CBFA2T3: variants seen among roughly 807,000 people sequenced by gnomAD.
CBFA2T3 encodes transcriptional corepressor CBFA2T3.
CBFA2T3 carries 31 observed loss-of-function variants against 58.6 expected under a neutral mutation model. That is an observed-to-expected ratio of 0.53 (90% CI 0.40 to 0.71). The LOEUF (loss-of-function observed/expected upper bound fraction) is 0.71, where lower values mean the gene tolerates loss of function less well. Among genes scored for constraint, CBFA2T3 ranks in the 30% least tolerant of loss-of-function variants. The pLI, the probability that CBFA2T3 is intolerant of heterozygous loss-of-function variation, is 0.00. For synonymous variants in CBFA2T3, 531 were observed against 421.9 expected (o/e 1.26, Z -3.17); for missense variants, 1,076 against 963.1 (o/e 1.12, Z -1.55).
At chr16:88,901,037 T>C (rs1013516240) in intron 2 of CBFA2T3, among the ~76,000 whole-genome samples, 2 of 152,248 alleles carry the variant, frequency 1.3e-5, no homozygotes, top group African/African-American at 4.8e-5. Context: ...GCTGCCTCTG[T>C]GGTCCCTCCA....
intron 1 of CBFA2T3, among the ~76,000 whole-genome samples, chr16:88,930,791 AG>A (rs1971272076): frequency 2.3e-4 from 1 of 4,334 alleles, no homozygotes; most frequent in Non-Finnish European, 3.7e-4. Context: ...GAGATGGGGG[AG>A]GGGGCAGACT....
At chr16:88,905,187 C>T (rs1342990535) in intron 1 of CBFA2T3, among the ~76,000 whole-genome samples, 1 of 152,082 alleles carries the variant, frequency 6.6e-6, no homozygotes, top group Non-Finnish European at 1.5e-5. Flanking sequence ...GCAGCTGGCG[C>T]CGTCTCTGGG....
chr16:88,910,445 G>C lies in CBFA2T3; in HGVS notation c.152-8789C>G, dbSNP rs573069148. Among the ~76,000 whole-genome samples the C allele has an allele frequency of 3.6e-3, 552 of 152,358 alleles. 1 individual carries two copies. Among genetic ancestry groups the C allele is most frequent in the African/African-American group, 0.013 (529 of 41,584 alleles). On this transcript the variant is annotated intron_variant, in intron 1 of 11. Transcript: ENST00000268679. Reference sequence around the variant, plus strand: ...CTACAACAGTGCCGGCCACACTGCAGGCATTCAGCAAACACTTGCTGCGTG... The same window carrying C: ...CTACAACAGTGCCGGCCACACTGCACGCATTCAGCAAACACTTGCTGCGTG...
At chr16:88,889,781 G>T (rs1293207063) in intron 5 of CBFA2T3, among the ~76,000 whole-genome samples, 3 of 130,424 alleles carry the variant, frequency 2.3e-5, no homozygotes, top group African/African-American at 8.9e-5. Flanking sequence ...CTCCAGGGAC[G>T]ACGCCACGCG....
chr16:88,920,598 C>T (rs572923721), intron 1 of CBFA2T3, among the ~76,000 whole-genome samples: 6 of 152,300 alleles, frequency 3.9e-5, no homozygotes, highest in African/African-American at 1.4e-4. Flanking sequence ...AATATTTCAT[C>T]TTAATTAATT....
At chr16:88,888,921 C>T (rs910469996) in intron 5 of CBFA2T3, among the ~76,000 whole-genome samples, 14 of 151,780 alleles carry the variant, frequency 9.2e-5, no homozygotes, top group East Asian at 2.0e-4. Flanking sequence ...AGCCGGGCCG[C>T]GGGCGGCACC....
Position 88,880,751 on chromosome 16 carries a change from G to A in CBFA2T3, c.1440C>T (p.Gly480=). ...PREFLPRTLT[G]YVPEDIWRKA... is the part of the protein sequence containing the mutation. Reference sequence around the variant, plus strand: ...TCCTCCAGATGTCCTCAGGCACGTAGCCGGTGAGGGTCCTCGGCAGGAACT... The same window carrying A: ...TCCTCCAGATGTCCTCAGGCACGTAACCGGTGAGGGTCCTCGGCAGGAACT... The change falls in exon 10 of 12, where the codon GGC becomes GGT. Residue 480 remains glycine (G), a synonymous_variant. Transcript: ENST00000268679. 6.3e-7 allele frequency: 1 copy of A among 1,581,000 alleles called. No individual in the cohort carries two copies. The highest frequency in any genetic ancestry group is 8.6e-7 in the Non-Finnish European group (1 of 1,163,058).
At chr16:88,963,947 C>T (rs1195803399) in intron 1 of CBFA2T3, among the ~76,000 whole-genome samples, 1 of 152,214 alleles carries the variant, frequency 6.6e-6, no homozygotes, top group Non-Finnish European at 1.5e-5. Flanking sequence ...CTGCATCTCG[C>T]TTGCAGTGCA....
intron 5 of CBFA2T3, among the ~76,000 whole-genome samples, chr16:88,889,205 C>T (rs1016685221): frequency 1.3e-5 from 2 of 151,326 alleles, no homozygotes; most frequent in Non-Finnish European, 2.9e-5. Flanking sequence ...TGGGCCCAGG[C>T]TCCTGCCACT....
At chr16:88,896,295 C>T (rs1250381996) in intron 3 of CBFA2T3, among the ~76,000 whole-genome samples, 1 of 152,212 alleles carries the variant, frequency 6.6e-6, no homozygotes, top group Non-Finnish European at 1.5e-5. Context: ...TGAGCGGCTG[C>T]TCCCCTCAAC....
chr16:88,932,988 G>A (rs1432412005), intron 1 of CBFA2T3, among the ~76,000 whole-genome samples: 4 of 151,944 alleles, frequency 2.6e-5, no homozygotes, highest in Non-Finnish European at 4.4e-5. Context: ...AAGAAAGAAA[G>A]AAAAGAAAAA....
In CBFA2T3 at chr16:88,892,297, C is replaced by G; in HGVS notation, c.568G>C (p.Asp190His). Residue 190 changes from aspartate to histidine, a missense_variant, in exon 4 of 12, where the codon GAC (aspartate) becomes CAC (histidine). Asp to His is a moderately conservative substitution (Grantham distance 81). Coordinates refer to ENST00000268679, the MANE Select transcript of CBFA2T3 (RefSeq NM_005187.6). ...FLTTLQQFGS[D>H]ISPEIGERVR... is the part of the protein sequence containing the mutation. ...CGCTCCCCAATCTCTGGGGAGATGT[C>G]GCTGCCAAACTGCTGCAGTGTGGTG... The G allele has an allele frequency of 1.2e-6, 2 of 1,612,720 alleles. No individual in the cohort carries two copies.
chr16:88,895,577 G>T (rs1969854198), intron 3 of CBFA2T3, among the ~76,000 whole-genome samples: 1 of 152,148 alleles, frequency 6.6e-6, no homozygotes. Context: ...GTGGCACAGG[G>T]GGGAGGCCGG....
intron 1 of CBFA2T3, among the ~76,000 whole-genome samples, chr16:88,934,537 T>C (rs141040365): frequency 6.6e-6 from 1 of 152,240 alleles, no homozygotes; most frequent in African/African-American, 2.4e-5. Flanking sequence ...AGGCTCCATC[T>C]TCCCTGTGCA....
Position 88,876,567 on chromosome 16 carries a change from G to A in CBFA2T3, c.*409C>T, listed in dbSNP as rs1056397137. On this transcript the variant is annotated 3_prime_UTR_variant, in exon 12 of 12. Transcript: ENST00000268679. ...CCACCAATTCGATTTTTTCATTGAA[G>A]AGAAAGTGTGTGATAGTCATAGAGA... The A allele has an allele frequency of 2.4e-5, 6 of 254,700 alleles. No homozygotes were observed. The highest frequency in any genetic ancestry group is 6.5e-5 in the African/African-American group (3 of 45,916). The allele number at this position is 254,700 out of a possible 1,614,324, so 15.8% of individuals were successfully genotyped here.
chr16:88,903,710 G>T (rs1166001420), intron 1 of CBFA2T3, among the ~76,000 whole-genome samples: 3 of 150,950 alleles, frequency 2.0e-5, no homozygotes, highest in South Asian at 2.1e-4. Flanking sequence ...CGTTCCTGGT[G>T]GGGGCAGCCC....
At chr16:88,881,205 G>T (rs1051591573) in intron 9 of CBFA2T3, 86 bp downstream of exon 9, 4 of 1,203,258 alleles carry the variant, frequency 3.3e-6, no homozygotes, top group Non-Finnish European at 4.9e-6. Flanking sequence ...CTGGTGTTTC[G>T]TTGCATTGCC....
intron 1 of CBFA2T3, among the ~76,000 whole-genome samples, chr16:88,962,301 C>CA (rs1972385150): frequency 6.6e-6 from 1 of 152,264 alleles, no homozygotes; most frequent in Non-Finnish European, 1.5e-5. Context: ...ATTTCCACTG[C>CA]ATACTCGTAC....
At chr16:88,892,763 G>A (rs1447981226) in intron 3 of CBFA2T3, among the ~76,000 whole-genome samples, 2 of 152,162 alleles carry the variant, frequency 1.3e-5, no homozygotes, top group East Asian at 1.9e-4. Flanking sequence ...GATTCCCAGG[G>A]AGGTGAAGCC....
Sources: gnomAD v4.1 joint callset for allele counts (sites outside exome capture counted in the v4.1 genomes callset) on GRCh38, gnomAD v4.1.1 for gene constraint, MANE v1.5 for transcripts, NCBI Gene and HGNC (gene_info 2026-07-23, HGNC 2026-07-21) for gene names.